The following SNX8 variants were observed in gnomAD, a reference collection of about 807,000 sequenced individuals.
SNX8 encodes sorting nexin-8.
SNX8 carries 25 observed loss-of-function variants against 51.6 expected under a neutral mutation model. The ratio of observed to expected loss-of-function variants is 0.48; its 90% CI spans 0.35 to 0.68. The LOEUF (loss-of-function observed/expected upper bound fraction) is 0.68. Among genes scored for constraint, SNX8 ranks in the 30% least tolerant of loss-of-function variants. SNX8 has a pLI of 0.00. For missense variants in SNX8, 695 were observed against 624.0 expected (o/e 1.11, Z -1.21); for synonymous variants, 324 against 277.0 (o/e 1.17, Z -1.68).
chr7:2,268,550 G>A (rs1239667508), intron 5 of SNX8, among the ~76,000 whole-genome samples: 6 of 145,530 alleles, frequency 4.1e-5, no homozygotes, highest in Middle Eastern at 3.6e-3. Context: ...GAGGGAGGTG[G>A]GGGGGTCAGC....
chr7:2,271,942 T>C lies in SNX8; in HGVS notation c.448A>G (p.Arg150Gly). Reference protein sequence around the residue: ...ADREFIEARRRALKRFVNLVA... With the variant: ...ADREFIEARRGALKRFVNLVA... ...AGGTTGACGAAGCGCTTCAGGGCTC[T>C]CCTCCTGGCCTCGATGAACTCCCTG... Residue 150 changes from arginine (R) to glycine (G), a missense_variant, in exon 4 of 11, where the codon AGA (arginine) becomes GGA (glycine). Physicochemically the swap from Arg to Gly is moderately radical, Grantham distance 125. Coordinates refer to ENST00000222990, the MANE Select transcript of SNX8 (RefSeq NM_013321.4). The C allele has an allele frequency of 6.2e-7, 1 of 1,614,098 alleles. No homozygotes were observed. The highest frequency in any genetic ancestry group is 8.5e-7 in the Non-Finnish European group (1 of 1,180,010).
chr7:2,296,342 T>C (rs192205206), intron 1 of SNX8, among the ~76,000 whole-genome samples: 1 of 152,132 alleles, frequency 6.6e-6, no homozygotes, highest in Admixed American at 6.5e-5. Flanking sequence ...ATTGTAGCTA[T>C]TGTAAATGGG....
upstream of SNX8, chr7:2,314,585 C>T (rs140165574): frequency 2.7e-3 from 1,756 of 642,572 alleles, 3 homozygotes; most frequent in Non-Finnish European, 3.2e-3. Flanking sequence ...CGCCCGGCCT[C>T]GCCACGCCTA....
chr7:2,269,637 A>G lies in SNX8; in HGVS notation c.543T>C (p.Asp181=). ...LKLFLSFSGS[D]VQNKLKESAQ... is the part of the protein sequence containing the mutation. ...CTGACTCCTTTAACTTGTTCTGCAC[A>G]TCCTGCAAAAGGAAAACACACAGCT... The change falls in exon 5 of 11, where the codon GAT becomes GAC. Residue 181 remains aspartate (D), a splice_region_variant and synonymous_variant. Transcript: ENST00000222990. 6.3e-7 allele frequency: 1 copy of G among 1,594,960 alleles called. No homozygotes were observed. The highest frequency in any genetic ancestry group is 8.5e-7 in the Non-Finnish European group (1 of 1,170,906).
intron 5 of SNX8, among the ~76,000 whole-genome samples, chr7:2,267,944 G>A (rs1795514464): frequency 7.7e-6 from 1 of 130,312 alleles, no homozygotes; most frequent in Non-Finnish European, 1.7e-5. Context: ...CTGAGATGTG[G>A]GGAGCGCCTC....
chr7:2,326,460 T>C (rs1045816667), intron 1 of SNX8, among the ~76,000 whole-genome samples: 9 of 150,508 alleles, frequency 6.0e-5, no homozygotes, highest in Admixed American at 4.0e-4. Flanking sequence ...GGTCAGGAGA[T>C]CAAGACCATC....
At chr7:2,281,277 G>A (rs977622783) in intron 1 of SNX8, among the ~76,000 whole-genome samples, 3 of 151,844 alleles carry the variant, frequency 2.0e-5, no homozygotes, top group Non-Finnish European at 4.4e-5. Context: ...ATAAAATTAC[G>A]GGCATGTTGG....
At chr7:2,341,618 G>A (rs1428634699) in intron 1 of SNX8, among the ~76,000 whole-genome samples, 2 of 152,118 alleles carry the variant, frequency 1.3e-5, no homozygotes, top group Admixed American at 1.3e-4. Context: ...GCTGCAGTGA[G>A]CCATGTTCTC....
In SNX8 at chr7:2,309,865, C is replaced by T. The variant is rs147220920; in HGVS notation, c.94+4463G>A. The T allele has an allele frequency of 2.3e-3, 1,060 of 471,058 alleles. 19 individuals are homozygous for T. The highest frequency in any genetic ancestry group is 0.015 in the South Asian group (992 of 64,558). The allele number at this position is 471,058 out of a possible 1,614,324, so 29.2% of individuals were successfully genotyped here. A position where few individuals can be genotyped will look rare whatever the true frequency, so the allele number is the denominator to read the frequency against. ...GGGAGCCCAGGGTGCATGGAAGTCGCCCAGGCAAGAGGGGAAGGCTCGGGG... is the reference window on the plus strand; with the variant it reads ...GGGAGCCCAGGGTGCATGGAAGTCGTCCAGGCAAGAGGGGAAGGCTCGGGG... On this transcript the variant is annotated intron_variant, in intron 1 of 10. Coordinates refer to ENST00000222990, the MANE Select transcript of SNX8 (RefSeq NM_013321.4).
At chr7:2,271,801 GC>G in intron 4 of SNX8, 48 bp downstream of exon 4, 1 of 1,557,500 alleles carries the variant, frequency 6.4e-7, no homozygotes, top group South Asian at 1.2e-5. Context: ...GGGTCCGGAG[GC>G]TCGGGGACTC....
At position 2,324,214 on chromosome 7, in the gene SNX8, G is replaced by C. The variant is rs372031257; in HGVS notation, c.-66+30008C>G. ...AATCATAGCACTTTGAGAGGCCAAG[G>C]CAGGAGGGTTACTTGAGCCCAGGAA... On this transcript the variant is annotated intron_variant, in intron 1 of 5. Transcript: ENST00000435336. 7.1e-4 allele frequency among the ~76,000 whole-genome samples: 108 copies of C among 152,166 alleles called. 1 individual carries two copies. In the Middle Eastern group the frequency reaches 0.017, roughly 24 times the overall value.
intron 3 of SNX8, among the ~76,000 whole-genome samples, chr7:2,273,237 C>T (rs906762045): frequency 3.3e-5 from 5 of 151,482 alleles, no homozygotes; most frequent in Non-Finnish European, 7.4e-5. Context: ...TCACTTGAGG[C>T]CAAGGAGTTC....
chr7:2,280,633 T>C (rs1795886883), intron 1 of SNX8, among the ~76,000 whole-genome samples: 1 of 152,330 alleles, frequency 6.6e-6, no homozygotes, highest in Non-Finnish European at 1.5e-5. Flanking sequence ...ATTTGAACTT[T>C]GATTGCATGA....
intron 1 of SNX8, among the ~76,000 whole-genome samples, chr7:2,306,028 G>A (rs566271048): frequency 4.6e-5 from 7 of 152,274 alleles, no homozygotes; most frequent in East Asian, 1.9e-4. Flanking sequence ...TAATTGGTAC[G>A]GCATCTTCCT....
chr7:2,335,924 A>G (rs925905199), intron 1 of SNX8, among the ~76,000 whole-genome samples: 1 of 152,018 alleles, frequency 6.6e-6, no homozygotes, highest in Non-Finnish European at 1.5e-5. Context: ...CAACATGGTG[A>G]AACCCCATCT....
In SNX8 at chr7:2,290,828, C is replaced by G. The variant is rs140330185; in HGVS notation, c.95-12523G>C. ...CACAAAGCAGAGAATCTTCCCTCCT[C>G]CACCACGGCCTCTCTGCCAATTCTC... On this transcript the variant is annotated intron_variant, in intron 1 of 10. Coordinates refer to ENST00000222990, the MANE Select transcript of SNX8 (RefSeq NM_013321.4). 2.5e-3 allele frequency among the ~76,000 whole-genome samples: 383 copies of G among 152,344 alleles called. 1 individual carries two copies. Among genetic ancestry groups the G allele is most frequent in the Non-Finnish European group, 4.7e-3 (320 of 68,040 alleles).
chr7:2,314,987 A>G (rs527250457), upstream of SNX8, among the ~76,000 whole-genome samples: 7 of 78,732 alleles, frequency 8.9e-5, no homozygotes, highest in Non-Finnish European at 1.3e-4. Context: ...GCATCCTGCA[A>G]TCATTCACCC....
intron 1 of SNX8, among the ~76,000 whole-genome samples, chr7:2,320,012 A>C (rs1796808768): frequency 6.6e-6 from 1 of 152,078 alleles, no homozygotes; most frequent in African/African-American, 2.4e-5. Context: ...AAAAACCGTA[A>C]ATCGTTATAC....
intron 1 of SNX8, among the ~76,000 whole-genome samples, chr7:2,351,915 T>A (rs946165188): frequency 6.8e-6 from 1 of 146,686 alleles, no homozygotes; most frequent in African/African-American, 2.5e-5. Flanking sequence ...GTTTTTTTTT[T>A]TTTTTTTTTT....
Sources: allele counts gnomAD v4.1 joint callset (sites outside exome capture counted in the v4.1 genomes callset), GRCh38; gene constraint gnomAD v4.1.1; transcripts MANE v1.5; gene names NCBI Gene and HGNC (gene_info 2026-07-23, HGNC 2026-07-21).